Variants in AGAP3 observed in about 807,000 individuals in gnomAD.
The protein encoded by AGAP3 is arf-GAP with GTPase, ANK repeat and PH domain-containing protein 3.
Under a neutral mutation model 96.9 loss-of-function variants are expected in AGAP3, and 24 were observed. The ratio of observed to expected loss-of-function variants is 0.25; its 90% CI spans 0.18 to 0.35. AGAP3 has a LOEUF of 0.35. Among genes scored for constraint, AGAP3 ranks in the 10% least tolerant of loss-of-function variants. AGAP3 has a pLI of 1.00. For missense variants in AGAP3, 876 were observed against 1,254.2 expected (o/e 0.70, Z 4.55); for synonymous variants, 563 against 536.1 (o/e 1.05, Z -0.69).
In AGAP3 at chr7:151,092,021, G is replaced by A. The variant is rs570748727; in HGVS notation, c.331+4949G>A. 3.3e-5 allele frequency among the ~76,000 whole-genome samples: 5 copies of A among 152,286 alleles called. No individual in the cohort carries two copies. In the East Asian group the frequency reaches 9.6e-4, roughly 29 times the overall value. On this transcript the variant is annotated intron_variant, in intron 1 of 17. Coordinates refer to ENST00000397238, the MANE Select transcript of AGAP3 (RefSeq NM_031946.7). The stretch of plus-strand genomic sequence containing the variant: ...TTGTAGGAGATGGGTGGGTGAGGTG[G>A]GCAGGACCCTGGTGAAGGAGTATTT...
At position 151,118,117 on chromosome 7, in the gene AGAP3, C is replaced by T. The variant is rs1001189046; in HGVS notation, c.707-93C>T. The T allele has an allele frequency of 6.6e-7, 1 of 1,506,598 alleles. No homozygotes were observed. The highest frequency in any genetic ancestry group is 2.0e-5 in the Admixed American group (1 of 48,854). 93.3% of individuals were successfully genotyped at this position (1,506,598 alleles called of 1,614,324 possible). ...CTCTGTGTGTTCCACTCACCAGGCCCTTTGCACACCTGCCCTTGGGCCAAA... is the reference window on the plus strand; with the variant it reads ...CTCTGTGTGTTCCACTCACCAGGCCTTTTGCACACCTGCCCTTGGGCCAAA... On this transcript the variant is annotated intron_variant, in intron 5 of 17. Coordinates refer to ENST00000397238, the MANE Select transcript of AGAP3 (RefSeq NM_031946.7). This position sits in a 1 kb window ranked among gnomAD's most constrained non-coding sequence, Gnocchi z 6.1.
At chr7:151,138,375 A>G in intron 12 of AGAP3, 62 bp downstream of exon 12, 1 of 1,514,162 alleles carries the variant, frequency 6.6e-7, no homozygotes, top group Admixed American at 2.0e-5. Flanking sequence ...GAGGAGGGGA[A>G]CTGGGCAGCA....
chr7:151,114,394 TGA>T lies in AGAP3; in HGVS notation c.332-2397_332-2396del, dbSNP rs1325942796. 6.6e-6 allele frequency among the ~76,000 whole-genome samples: 1 copy of T among 152,224 alleles called. No individual in the cohort carries two copies. The highest frequency in any genetic ancestry group is 1.5e-5 in the Non-Finnish European group (1 of 68,040). On this transcript the variant is annotated intron_variant, in intron 1 of 17. Transcript: ENST00000397238. The surrounding 1 kb of genome is among the most constrained non-coding windows in gnomAD (Gnocchi z 4.4). The stretch of plus-strand genomic sequence containing the variant: ...AAATGGGGCCCAGTGTGTGGTGGAC[TGA>T]GGACTGTTATTTAGTTGGCCTGCTC...
intron 1 of AGAP3, among the ~76,000 whole-genome samples, chr7:151,098,733 CTTTTT>C (rs34617813): frequency 1.7e-5 from 2 of 116,114 alleles, no homozygotes; most frequent in Non-Finnish European, 1.8e-5. Flanking sequence ...ATTTTCTTTT[CTTTTT>C]TTTTTTTTTT....
intron 9 of AGAP3, 56 bp from the exon 10 acceptor site, chr7:151,128,523 CA>C (rs772008826): frequency 9.2e-5 from 135 of 1,474,962 alleles, no homozygotes; most frequent in Non-Finnish European, 1.2e-4. Flanking sequence ...GTGACCTCCT[CA>C]TGCCCTATGA....
chr7:151,132,682 G>A (rs1800446045), intron 10 of AGAP3, among the ~76,000 whole-genome samples: 1 of 152,348 alleles, frequency 6.6e-6, no homozygotes, highest in East Asian at 1.9e-4. Flanking sequence ...CTGATGGCAC[G>A]GAGCTGTGGG....
intron 11 of AGAP3, among the ~76,000 whole-genome samples, chr7:151,137,303 G>A (rs1563522000): frequency 6.6e-6 from 1 of 152,230 alleles, no homozygotes; most frequent in South Asian, 2.1e-4. Flanking sequence ...AGCACCTGGC[G>A]GGCTCCTCCG....
Position 151,133,981 on chromosome 7 carries a change from G to T in AGAP3, c.1327-419G>T, listed in dbSNP as rs1275519918. Among the ~76,000 whole-genome samples, 1 of 152,208 alleles carries T rather than the reference G, an allele frequency of 6.6e-6. No homozygotes were observed. The highest frequency in any genetic ancestry group is 2.4e-5 in the African/African-American group (1 of 41,454). ...GCTTTAGAAGGTTCTTAATGCCCAG[G>T]TGGGGGCTGCAGTGCTTGGTGGCCA... On this transcript the variant is annotated intron_variant, in intron 10 of 17. Coordinates refer to ENST00000397238, the MANE Select transcript of AGAP3 (RefSeq NM_031946.7). The surrounding 1 kb of genome is among the most constrained non-coding windows in gnomAD (Gnocchi z 5.4).
Position 151,109,174 on chromosome 7 carries a change from A to AAC in AGAP3, c.332-7618_332-7617insCA, listed in dbSNP as rs1554464588. Reference sequence around the variant, plus strand: ...GAGACTCCCACCTCTGTAAAAAAAAAAAAAAACAAAAAACAAAAAACAAAG... The same window carrying AAC: ...GAGACTCCCACCTCTGTAAAAAAAAAACAAAAAACAAAAAACAAAAAACAAAG... On this transcript the variant is annotated intron_variant, in intron 1 of 17. Coordinates refer to ENST00000397238, the MANE Select transcript of AGAP3 (RefSeq NM_031946.7). 5.3e-4 allele frequency among the ~76,000 whole-genome samples: 78 copies of AAC among 147,340 alleles called. 1 individual carries two copies. The highest frequency in any genetic ancestry group is 1.8e-3 in the African/African-American group (69 of 37,844).
intron 1 of AGAP3, among the ~76,000 whole-genome samples, chr7:151,089,004 C>T (rs1417840745): frequency 1.3e-5 from 2 of 152,140 alleles, no homozygotes; most frequent in East Asian, 3.8e-4. Flanking sequence ...CCGCGGCTCA[C>T]ACATCCGTTC....
chr7:151,144,265 C>A lies in AGAP3; in HGVS notation c.*322C>A. 2.7e-6 allele frequency: 1 copy of A among 365,828 alleles called. No homozygotes were observed. The allele number at this position is 365,828 out of a possible 1,614,324, so 22.7% of individuals were successfully genotyped here. A position where few individuals can be genotyped will look rare whatever the true frequency, so the allele number is the denominator to read the frequency against. On this transcript the variant is annotated 3_prime_UTR_variant, in exon 18 of 18. Coordinates refer to ENST00000397238, the MANE Select transcript of AGAP3 (RefSeq NM_031946.7). ...CCTCCTAGTGCCAGCCCCTCACACGCCTTCATCCTGAAACAGGAAGAGGAC... is the reference window on the plus strand; with the variant it reads ...CCTCCTAGTGCCAGCCCCTCACACGACTTCATCCTGAAACAGGAAGAGGAC...
intron 1 of AGAP3, chr7:151,115,032 G>T (rs1799484136): frequency 1.0e-6 from 1 of 994,640 alleles, no homozygotes; most frequent in Non-Finnish European, 1.2e-6. Context: ...CGGCCGCCGG[G>T]GCCTGGCGCC....
In AGAP3 at chr7:151,109,175, A is replaced by C. The variant is rs540722904; in HGVS notation, c.332-7618A>C. Among the ~76,000 whole-genome samples the C allele has an allele frequency of 1.4e-3, 185 of 135,672 alleles. 1 individual carries two copies. The highest frequency in any genetic ancestry group is 7.1e-3 in the Middle Eastern group (2 of 280). 89.0% of individuals were successfully genotyped at this position (135,672 alleles called of 152,430 possible). Reference sequence around the variant, plus strand: ...AGACTCCCACCTCTGTAAAAAAAAAAAAAAACAAAAAACAAAAAACAAAGA... The same window carrying C: ...AGACTCCCACCTCTGTAAAAAAAAACAAAAACAAAAAACAAAAAACAAAGA... On this transcript the variant is annotated intron_variant, in intron 1 of 17. Coordinates refer to ENST00000397238, the MANE Select transcript of AGAP3 (RefSeq NM_031946.7).
In AGAP3 at chr7:151,117,550, G is replaced by A. The variant is rs376035173; in HGVS notation, c.565-86G>A. ...GACTGGGAGAGGTGGTATGTCCAGG[G>A]AGAAGGGTCTACTTGAGTTCACCTG... On this transcript the variant is annotated intron_variant, in intron 4 of 17. Transcript: ENST00000397238. 1.7e-4 allele frequency: 281 copies of A among 1,612,432 alleles called. No individual in the cohort carries two copies. In the African/African-American group the frequency reaches 3.3e-3, roughly 19 times the overall value.
At chr7:151,124,590 T>C (rs772811019) in intron 9 of AGAP3, among the ~76,000 whole-genome samples, 30 of 152,292 alleles carry the variant, frequency 2.0e-4, no homozygotes, top group Non-Finnish European at 4.1e-4. Context: ...ATCTGGTGGT[T>C]GGAGAGGCCA....
intron 11 of AGAP3, among the ~76,000 whole-genome samples, chr7:151,137,194 G>A (rs1422769968): frequency 2.0e-5 from 3 of 152,246 alleles, no homozygotes; most frequent in African/African-American, 7.2e-5. Context: ...CAGGGCTGGT[G>A]TGAGACCTGG....
intron 1 of AGAP3, among the ~76,000 whole-genome samples, chr7:151,091,027 T>A (rs1798377016): frequency 6.6e-6 from 1 of 152,196 alleles, no homozygotes; most frequent in African/African-American, 2.4e-5. Flanking sequence ...ACCTGGGGTT[T>A]TAGTGTTTGT....
intron 1 of AGAP3, among the ~76,000 whole-genome samples, chr7:151,088,031 G>A (rs1215091546): frequency 6.6e-6 from 1 of 152,250 alleles, no homozygotes; most frequent in African/African-American, 2.4e-5. Flanking sequence ...GGCAGGTGGT[G>A]GGTTTGGCCT....
intron 10 of AGAP3, 59 bp from the exon 11 acceptor site, chr7:151,134,341 C>T: frequency 1.3e-6 from 2 of 1,586,770 alleles, no homozygotes; most frequent in Non-Finnish European, 1.7e-6. Flanking sequence ...TTGCAAGGCT[C>T]AACGCTGGAG....
Sources: allele counts gnomAD v4.1 joint callset (sites outside exome capture counted in the v4.1 genomes callset), GRCh38; gene constraint gnomAD v4.1.1; non-coding constraint Gnocchi (gnomAD v3.1); transcripts MANE v1.5; gene names NCBI Gene and HGNC (gene_info 2026-07-23, HGNC 2026-07-21).